The following ZNF292 variants were observed in gnomAD, a reference collection of about 807,000 sequenced individuals.
ZNF292 encodes the protein 16 zinc-finger domain protein.
Under a neutral mutation model 217.9 loss-of-function variants are expected in ZNF292, and 26 were observed. The ratio of observed to expected loss-of-function variants is 0.12; its 90% CI spans 0.09 to 0.17. The LOEUF is 0.17. Among genes scored for constraint, ZNF292 ranks in the 10% least tolerant of loss-of-function variants. ZNF292 has a pLI of 1.00. For missense variants in ZNF292, 2,904 were observed against 3,175.2 expected, an observed-to-expected ratio of 0.91 and a Z score of 2.05; for synonymous variants, 1,257 against 1,124.1, an observed-to-expected ratio of 1.12 and a Z score of -2.37.
chr6:87,223,166 C>T (rs571380109), intron 4 of ZNF292: 1 of 157,472 alleles, frequency 6.4e-6, no homozygotes, highest in South Asian at 1.9e-4. Context: ...CTGCAACCTC[C>T]AACTCCTGGG....
intron 1 of ZNF292, chr6:87,215,198 C>A (rs1772683012): frequency 1.3e-5 from 2 of 151,874 alleles, no homozygotes; most frequent in East Asian, 3.9e-4. Flanking sequence ...TATCTCCCAT[C>A]TCTTATTCAG....
rs201098248 is a variant in ZNF292 at position 87,261,557 on chromosome 6, G to A, written c.7928G>A (p.Cys2643Tyr). ...KTAVTSGNHV[C>Y]PCKESETFVQ... ...GCTGTGACTAGTGGAAATCATGTAT[G>A]TCCTTGTAAAGAAAGCGAAACGTTT... The change falls in exon 8 of 8, where the codon TGT (cysteine) becomes TAT (tyrosine). Residue 2643 changes from cysteine (C) to tyrosine (Y), a missense_variant. Around this residue, in one of 15 missense-constraint regions of ZNF292, gnomAD observed 380 missense variants for 355.3 expected, o/e 1.07. Transcript: ENST00000369577. 60 of 1,610,246 alleles carry A rather than the reference G, an allele frequency of 3.7e-5. No individual in the cohort carries two copies. In the African/African-American group the frequency reaches 7.2e-4, roughly 19 times the overall value.
At chr6:87,234,681 G>A (rs1429529425) in intron 5 of ZNF292, among the ~76,000 whole-genome samples, 1 of 152,146 alleles carries the variant, frequency 6.6e-6, no homozygotes, top group Non-Finnish European at 1.5e-5. Flanking sequence ...CAGAGCAATA[G>A]AGAGGAAAAC....
At chr6:87,158,628 G>A (rs1770622925) in intron 1 of ZNF292, among the ~76,000 whole-genome samples, 1 of 152,084 alleles carries the variant, frequency 6.6e-6, no homozygotes, top group Admixed American at 6.5e-5. Flanking sequence ...GAGCAGAGAT[G>A]GTGCACTGTG....
chr6:87,172,177 C>A (rs981636096), intron 1 of ZNF292, among the ~76,000 whole-genome samples: 10 of 152,142 alleles, frequency 6.6e-5, no homozygotes, highest in African/African-American at 2.2e-4. Context: ...GCTACATTTT[C>A]TTAGTGAAAG....
At chr6:87,196,069 A>G (rs1771947136) in intron 1 of ZNF292, among the ~76,000 whole-genome samples, 1 of 151,592 alleles carries the variant, frequency 6.6e-6, no homozygotes, top group Non-Finnish European at 1.5e-5. Flanking sequence ...GAGAATTAGG[A>G]TGTTTCTATT....
chr6:87,181,994 C>T (rs1223685916), intron 1 of ZNF292, among the ~76,000 whole-genome samples: 1 of 151,998 alleles, frequency 6.6e-6, no homozygotes, highest in Non-Finnish European at 1.5e-5. Flanking sequence ...TTGATTGGAT[C>T]CTACCAGATG....
At chr6:87,201,371 C>A (rs576424393) in intron 1 of ZNF292, among the ~76,000 whole-genome samples, 1 of 152,162 alleles carries the variant, frequency 6.6e-6, no homozygotes, top group South Asian at 2.1e-4. Flanking sequence ...TTAAGATGTT[C>A]TCCTATGTTT....
Position 87,262,620 on chromosome 6 carries a change from TAA to T in ZNF292, c.*827_*828del, listed in dbSNP as rs200650213. On this transcript the variant is annotated 3_prime_UTR_variant, in exon 8 of 8. Transcript: ENST00000369577. ...ATTGAAGATTTTAAACATTTGGTAT[TAA>T]AAAAAAATCCTTTGTGAATGTGATA... 6.6e-6 allele frequency: 1 copy of T among 151,352 alleles called. No homozygotes were observed. The highest frequency in any genetic ancestry group is 6.6e-5 in the Admixed American group (1 of 15,220). 9.4% of individuals were successfully genotyped at this position (151,352 alleles called of 1,614,324 possible). A position where few individuals can be genotyped will look rare whatever the true frequency, so the allele number is the denominator to read the frequency against.
At chr6:87,161,766 A>G (rs1483185123) in intron 1 of ZNF292, among the ~76,000 whole-genome samples, 1 of 152,188 alleles carries the variant, frequency 6.6e-6, no homozygotes, top group Non-Finnish European at 1.5e-5. Flanking sequence ...TTGAAAATGT[A>G]CTAATTGAAA....
At position 87,258,648 on chromosome 6, in the gene ZNF292, A is replaced by G. The variant is rs1045139545; in HGVS notation, c.5019A>G (p.Val1673=). The change falls in exon 8 of 8, where the codon GTA becomes GTG. Residue 1673 remains valine (V), a synonymous_variant. Coordinates refer to ENST00000369577, the MANE Select transcript of ZNF292 (RefSeq NM_015021.3). ...EIPTTNLHSN[V]IPTCEPQSLV... ...CAACTACTAACCTTCATTCAAATGT[A>G]ATTCCAACTTGTGAACCTCAGAGTT... The G allele has an allele frequency of 1.9e-6, 3 of 1,613,608 alleles. No individual in the cohort carries two copies. Among genetic ancestry groups the G allele is most frequent in the Non-Finnish European group, 2.5e-6 (3 of 1,179,740 alleles).
chr6:87,254,827 G>A lies in ZNF292; in HGVS notation c.1198G>A (p.Val400Ile), dbSNP rs754422772. The A allele has an allele frequency of 1.9e-6, 3 of 1,613,888 alleles. No individual in the cohort carries two copies. The highest frequency in any genetic ancestry group is 2.2e-5 in the East Asian group (1 of 44,864). ...QLSEFLIEPT[V>I]DAYYAVEMLY... ...GAGTGAATTTCTTATTGAGCCTACA[G>A]TAGATGCGTATTATGCTGTGGAAAT... The change falls in exon 8 of 8, where the codon GTA becomes ATA. Residue 400 changes from valine to isoleucine, a missense_variant. Physicochemically the swap from Val to Ile is conservative, Grantham distance 29. Transcript: ENST00000369577.
At chr6:87,229,820 GT>G (rs1474464503) in intron 4 of ZNF292, among the ~76,000 whole-genome samples, 1 of 152,228 alleles carries the variant, frequency 6.6e-6, no homozygotes, top group Non-Finnish European at 1.5e-5. Flanking sequence ...CCACTAGAAG[GT>G]TTTAAACAGG....
intron 1 of ZNF292, among the ~76,000 whole-genome samples, chr6:87,171,901 C>G (rs2127773569): frequency 6.6e-6 from 1 of 152,326 alleles, no homozygotes; most frequent in Non-Finnish European, 1.5e-5. Context: ...AGATATACCA[C>G]TAGCGGAACA....
Position 87,261,382 on chromosome 6 carries a change from T to G in ZNF292, c.7753T>G (p.Ser2585Ala). 2 of 1,612,996 alleles carry G rather than the reference T, an allele frequency of 1.2e-6. No homozygotes were observed. The highest frequency in any genetic ancestry group is 1.7e-6 in the Non-Finnish European group (2 of 1,179,478). Reference sequence around the variant, plus strand: ...GCATCCTGCATCTTTTGACTGGAGCTCTTTTAAGCCAATGGGATTTGAAGT... The same window carrying G: ...GCATCCTGCATCTTTTGACTGGAGCGCTTTTAAGCCAATGGGATTTGAAGT... ...EEHPASFDWSSFKPMGFEVSF... is the reference protein window; with the variant it reads ...EEHPASFDWSAFKPMGFEVSF... Residue 2585 changes from serine to alanine, a missense_variant, in exon 8 of 8, where the codon TCT (serine) becomes GCT (alanine). Coordinates refer to ENST00000369577, the MANE Select transcript of ZNF292 (RefSeq NM_015021.3).
rs1773883993 is a variant in ZNF292 at position 87,235,924 on chromosome 6, A to G, written c.741+2397A>G. Reference sequence around the variant, plus strand: ...CATAGCACTACACATATATAGTAACATTACTTTGTTAAAAGTCCCTTGTTA... The same window carrying G: ...CATAGCACTACACATATATAGTAACGTTACTTTGTTAAAAGTCCCTTGTTA... On this transcript the variant is annotated intron_variant, in intron 5 of 7. Coordinates refer to ENST00000369577, the MANE Select transcript of ZNF292 (RefSeq NM_015021.3). Among the ~76,000 whole-genome samples, 3 of 152,212 alleles carry G rather than the reference A, an allele frequency of 2.0e-5. No individual in the cohort carries two copies. The South Asian group carries it at 6.2e-4, about 32-fold the overall frequency.
At chr6:87,241,417 A>ATTTTT (rs34271239) in intron 5 of ZNF292, among the ~76,000 whole-genome samples, 2 of 124,676 alleles carry the variant, frequency 1.6e-5, no homozygotes, top group East Asian at 2.3e-4. Context: ...AAGAGCTTGG[A>ATTTTT]TTTTTTTTTT....
intron 1 of ZNF292, among the ~76,000 whole-genome samples, chr6:87,161,921 A>G (rs919861737): frequency 2.0e-5 from 3 of 152,230 alleles, no homozygotes; most frequent in Non-Finnish European, 4.4e-5. Flanking sequence ...AAATAAAGAT[A>G]ACTACACTGT....
intron 7 of ZNF292, among the ~76,000 whole-genome samples, chr6:87,253,146 C>T (rs946099707): frequency 6.6e-6 from 1 of 150,506 alleles, no homozygotes; most frequent in African/African-American, 2.4e-5. Context: ...CTCTTGGCCT[C>T]AATCAGTCCC....
Sources: gnomAD v4.1 joint callset for allele counts (sites outside exome capture counted in the v4.1 genomes callset) on GRCh38, gnomAD v4.1.1 for gene constraint, gnomAD v4.1.1 regional missense constraint, MANE v1.5 for transcripts, NCBI Gene and HGNC (gene_info 2026-07-23, HGNC 2026-07-21) for gene names.